The following ABCC11 variants were observed in gnomAD, a reference collection of about 807,000 sequenced individuals.
ABCC11 encodes the protein ATP-binding cassette sub-family C member 11.
A neutral mutation model predicts 149.3 loss-of-function variants in ABCC11; 135 were observed. The ratio of observed to expected loss-of-function variants is 0.90; its 90% CI spans 0.79 to 1.04. The LOEUF (loss-of-function observed/expected upper bound fraction) is 1.04, where lower values mean the gene tolerates loss of function less well. ABCC11 is among the 50% of genes least tolerant of loss of function. ABCC11 has a pLI of 0.00. For synonymous variants in ABCC11, 665 were observed against 671.4 expected, an observed-to-expected ratio of 0.99 and a Z score of 0.15; for missense variants, 1,680 against 1,722.1, an observed-to-expected ratio of 0.98 and a Z score of 0.43.
intron 23 of ABCC11, among the ~76,000 whole-genome samples, chr16:48,182,943 T>C (rs1966536591): frequency 6.6e-6 from 1 of 152,204 alleles, no homozygotes; most frequent in African/African-American, 2.4e-5. Context: ...AATCATAGAC[T>C]TGTGAGGATT....
chr16:48,207,649 T>C (rs1396268663), intron 12 of ABCC11, among the ~76,000 whole-genome samples: 1 of 142,592 alleles, frequency 7.0e-6, no homozygotes, highest in Non-Finnish European at 1.5e-5. Context: ...ACTGGATGTG[T>C]CAAAAAAAAG....
chr16:48,192,485 C>G (rs772481132), intron 20 of ABCC11, 35 bp downstream of exon 20: 1 of 1,607,702 alleles, frequency 6.2e-7, no homozygotes, highest in South Asian at 1.1e-5. Context: ...GTTCAGAGCT[C>G]AGCCTTCGGC....
rs376307765 is a variant in ABCC11, at chr16:48,227,604, G to A, written c.395+202C>T. 5.4e-4 allele frequency among the ~76,000 whole-genome samples: 82 copies of A among 152,102 alleles called. 1 individual carries two copies. The highest frequency in any genetic ancestry group is 1.8e-3 in the African/African-American group (74 of 41,496). ...TGCTCCAGAGAAAGATCTCCAGCCC[G>A]TATGTACAAAATATCCATACCATTT... On this transcript the variant is annotated intron_variant, in intron 4 of 29. Transcript: ENST00000356608.
intron 20 of ABCC11, among the ~76,000 whole-genome samples, chr16:48,189,707 C>A (rs1437417154): frequency 6.6e-6 from 1 of 152,116 alleles, no homozygotes; most frequent in Non-Finnish European, 1.5e-5. Flanking sequence ...ACCTTGAGGG[C>A]CGAGGGCCAC....
chr16:48,170,278 C>T, intron 27 of ABCC11, 60 bp from the exon 28 acceptor site: 7 of 1,322,902 alleles, frequency 5.3e-6, no homozygotes, highest in Non-Finnish European at 7.6e-6. Flanking sequence ...GAGACCCAAC[C>T]TGACCTTGTC....
chr16:48,173,889 T>C (rs1439249810), intron 26 of ABCC11, among the ~76,000 whole-genome samples: 1 of 152,204 alleles, frequency 6.6e-6, no homozygotes, highest in Non-Finnish European at 1.5e-5. Context: ...CCTCCCAAAG[T>C]GCTGGGATTA....
At chr16:48,203,113 AC>A (rs1255484192) in intron 14 of ABCC11, 114 bp downstream of exon 14, 2 of 1,185,036 alleles carry the variant, frequency 1.7e-6, no homozygotes, top group Middle Eastern at 2.8e-4. Flanking sequence ...TGCAGGAAAA[AC>A]TCCAACTGCT....
intron 20 of ABCC11, among the ~76,000 whole-genome samples, chr16:48,189,603 T>C (rs1342253673): frequency 1.3e-5 from 2 of 152,190 alleles, no homozygotes; most frequent in Non-Finnish European, 2.9e-5. Context: ...ACTTGAACAT[T>C]TCTCAAAATT....
At position 48,184,433 on chromosome 16, in the gene ABCC11, C is replaced by T; in HGVS notation, c.3258+7G>A. 6.2e-7 allele frequency: 1 copy of T among 1,612,904 alleles called. No homozygotes were observed. The highest frequency in any genetic ancestry group is 8.5e-7 in the Non-Finnish European group (1 of 1,179,358). On this transcript the variant is annotated splice_region_variant and intron_variant, in intron 23 of 29. Coordinates refer to ENST00000356608, the MANE Select transcript of ABCC11 (RefSeq NM_001370497.1). Reference sequence around the variant, plus strand: ...CAGAGAGGGCCCACACAGAGTCACCCCCTCACCTGCAGCACGATGTTGACA... The same window carrying T: ...CAGAGAGGGCCCACACAGAGTCACCTCCTCACCTGCAGCACGATGTTGACA...
At chr16:48,208,901 A>G (rs1968672652) in intron 11 of ABCC11, among the ~76,000 whole-genome samples, 1 of 152,216 alleles carries the variant, frequency 6.6e-6, no homozygotes, top group Non-Finnish European at 1.5e-5. Context: ...CATTTATTGA[A>G]GCATTCATTC....
In ABCC11 at chr16:48,196,263, C is replaced by T; in HGVS notation, c.2373G>A (p.Arg791=). The T allele has an allele frequency of 6.2e-7, 1 of 1,614,078 alleles. No homozygotes were observed. Among genetic ancestry groups the T allele is most frequent in the Non-Finnish European group, 8.5e-7 (1 of 1,180,014 alleles). The change falls in exon 18 of 30, where the codon AGG becomes AGA. Residue 791 remains arginine (R), a synonymous_variant. Transcript: ENST00000356608. ...EEMEEGSLSW[R]VYHHYIQAAG... The stretch of plus-strand genomic sequence containing the variant: ...CTGCCTGGATGTAGTGGTGGTAGAC[C>T]CTCCAACTCAAGGAGCCTTCTTCCA...
intron 9 of ABCC11, among the ~76,000 whole-genome samples, 188 bp from the exon 10 acceptor site, chr16:48,213,738 AG>A (rs1969112134): frequency 6.6e-6 from 1 of 152,182 alleles, no homozygotes; most frequent in African/African-American, 2.4e-5. Flanking sequence ...GGAGTCTTAG[AG>A]TCAAAGGCCT....
At chr16:48,170,047 T>G in intron 28 of ABCC11, 58 bp downstream of exon 28, 1 of 1,426,848 alleles carries the variant, frequency 7.0e-7, no homozygotes, top group Non-Finnish European at 9.8e-7. Context: ...CCGGTGTGGC[T>G]TCCCTCATCA....
At chr16:48,244,639 CGCG>C (rs1194508628) in intron 1 of ABCC11, 124 of 1,339,136 alleles carry the variant, frequency 9.3e-5, no homozygotes, top group South Asian at 5.3e-4. Context: ...TGGCTGCCCC[CGCG>C]GCGGCGGCGG....
chr16:48,230,409 C>T, intron 3 of ABCC11, 28 bp downstream of exon 3: 2 of 1,558,034 alleles, frequency 1.3e-6, no homozygotes, highest in East Asian at 2.3e-5. Flanking sequence ...GGATACAGCT[C>T]TCTCCCACCA....
rs117022271 is a variant in ABCC11 at position 48,192,855 on chromosome 16, G to A, written c.2509-138C>T. 2.5e-4 allele frequency: 202 copies of A among 807,796 alleles called. 2 individuals are homozygous for A. In the African/African-American group the frequency reaches 2.6e-3, roughly 10 times the overall value. The allele number at this position is 807,796 out of a possible 1,614,324, so 50.0% of individuals were successfully genotyped here. On this transcript the variant is annotated intron_variant, in intron 19 of 29. Coordinates refer to ENST00000356608, the MANE Select transcript of ABCC11 (RefSeq NM_001370497.1). ...GTTTGCCCAAACCTCCCTGCTCAGC[G>A]CTTGGCTACTCTCTTTTGCCCTTCA...
At chr16:48,183,028 T>C (rs1010616950) in intron 23 of ABCC11, among the ~76,000 whole-genome samples, 1 of 152,210 alleles carries the variant, frequency 6.6e-6, no homozygotes, top group Non-Finnish European at 1.5e-5. Flanking sequence ...TCAATGAATA[T>C]TAGCTATTAT....
At chr16:48,231,677 G>A (rs1438533690) in intron 2 of ABCC11, 146 bp downstream of exon 2, 374 of 527,964 alleles carry the variant, frequency 7.1e-4, no homozygotes, top group Non-Finnish European at 8.0e-4. Flanking sequence ...AAAAAAAAAA[G>A]AGAGAGAGAG....
chr16:48,222,121 G>T (rs74582156), intron 6 of ABCC11, among the ~76,000 whole-genome samples: 2 of 150,912 alleles, frequency 1.3e-5, no homozygotes, highest in Non-Finnish European at 2.9e-5. Context: ...TAGAAATAGG[G>T]TCTTGCCATG....
Sources: gnomAD v4.1 joint callset for allele counts (sites outside exome capture counted in the v4.1 genomes callset) on GRCh38, gnomAD v4.1.1 for gene constraint, MANE v1.5 for transcripts, NCBI Gene and HGNC (gene_info 2026-07-23, HGNC 2026-07-21) for gene names.